RTN3: variants seen among roughly 807,000 people sequenced by gnomAD.
RTN3 encodes the protein reticulon 3.
A neutral mutation model predicts 77.8 loss-of-function variants in RTN3; 49 were observed. The ratio of observed to expected loss-of-function variants is 0.63; its 90% CI spans 0.50 to 0.80. RTN3 has a LOEUF of 0.80. Among genes scored for constraint, RTN3 ranks in the 30% least tolerant of loss-of-function variants. RTN3 has a pLI of 0.00. For missense variants in RTN3, 1,236 were observed against 1,211.9 expected (o/e 1.02, Z -0.29); for synonymous variants, 464 against 446.9 (o/e 1.04, Z -0.48).
intron 3 of RTN3, among the ~76,000 whole-genome samples, chr11:63,744,010 G>A (rs1443766533): frequency 1.3e-5 from 2 of 151,732 alleles, no homozygotes; most frequent in Non-Finnish European, 2.9e-5. Context: ...TTGGGAGGCC[G>A]AGGCAGGCAG....
At chr11:63,711,572 T>G (rs1225603191) in intron 2 of RTN3, among the ~76,000 whole-genome samples, 1 of 151,524 alleles carries the variant, frequency 6.6e-6, no homozygotes, top group Non-Finnish European at 1.5e-5. Flanking sequence ...AACAAAAAAT[T>G]TTATTTTTGA....
At chr11:63,756,977 C>T (rs1473191446) in intron 8 of RTN3, among the ~76,000 whole-genome samples, 4 of 152,008 alleles carry the variant, frequency 2.6e-5, no homozygotes, top group Non-Finnish European at 4.4e-5. Flanking sequence ...ACCTGGGAGG[C>T]GAGGTTGCAG....
intron 4 of RTN3, among the ~76,000 whole-genome samples, chr11:63,750,764 C>A (rs1290288340): frequency 6.7e-6 from 1 of 148,570 alleles, no homozygotes; most frequent in Non-Finnish European, 1.5e-5. Flanking sequence ...CAGAGTCTCA[C>A]TCTGTCGCCC....
intron 3 of RTN3, among the ~76,000 whole-genome samples, chr11:63,734,005 TAAAA>T (rs1565332791): frequency 6.6e-6 from 1 of 152,032 alleles, no homozygotes; most frequent in Non-Finnish European, 1.5e-5. Flanking sequence ...AATTTTTAAA[TAAAA>T]AAAGTTCGAT....
chr11:63,689,590 G>A (rs1266755286), intron 1 of RTN3, among the ~76,000 whole-genome samples: 1 of 151,208 alleles, frequency 6.6e-6, no homozygotes, highest in Non-Finnish European at 1.5e-5. Context: ...CAAGTGGCCT[G>A]CTCTTGTGAT....
chr11:63,746,938 C>T (rs1283699457), intron 3 of RTN3: 1 of 455,882 alleles, frequency 2.2e-6, no homozygotes, highest in Non-Finnish European at 4.4e-6. Context: ...GTGTTTACCC[C>T]TTTTCCAGAG....
At chr11:63,736,512 C>T (rs1229425549) in intron 3 of RTN3, among the ~76,000 whole-genome samples, 1 of 152,098 alleles carries the variant, frequency 6.6e-6, no homozygotes, top group Non-Finnish European at 1.5e-5. Flanking sequence ...CATGGTGAAA[C>T]CCCATCTCTA....
rs750431078 is a variant in RTN3 at position 63,719,148 on chromosome 11, G to A, written c.646G>A (p.Glu216Lys). The A allele has an allele frequency of 6.2e-7, 1 of 1,614,152 alleles. No homozygotes were observed. Among genetic ancestry groups the A allele is most frequent in the Non-Finnish European group, 8.5e-7 (1 of 1,180,010 alleles). Residue 216 changes from glutamate (E) to lysine (K), a missense_variant, in exon 3 of 9, where the codon GAG (glutamate) becomes AAG (lysine). This residue lies in a region of RTN3 where 1,056 missense variants were observed against 990.4 expected (regional missense o/e 1.07). Coordinates refer to ENST00000377819, the MANE Select transcript of RTN3 (RefSeq NM_001265589.2). ...TLLTAQKPPT[E>K]YSKVEGIYTY... ...GCTGACAGCCCAGAAACCACCTACT[G>A]AGTACTCTAAGGTAGAAGGCATTTA...
At chr11:63,732,910 A>C (rs1436229561) in intron 3 of RTN3, among the ~76,000 whole-genome samples, 1 of 152,214 alleles carries the variant, frequency 6.6e-6, no homozygotes, top group African/African-American at 2.4e-5. Flanking sequence ...TAAATGAAAA[A>C]TCCTTCAGAA....
chr11:63,698,563 T>C (rs1942078220), intron 1 of RTN3: 1 of 158,044 alleles, frequency 6.3e-6, no homozygotes, highest in Non-Finnish European at 1.5e-5. Context: ...TTGATCCCCT[T>C]TAAATACACA....
chr11:63,708,011 C>G (rs2134746893), intron 2 of RTN3, among the ~76,000 whole-genome samples: 1 of 152,300 alleles, frequency 6.6e-6, no homozygotes, highest in East Asian at 1.9e-4. Flanking sequence ...TGAAGGAACA[C>G]CTTGGCAGAT....
At chr11:63,698,256 CTGGGACTA>C (rs1942066297) in intron 1 of RTN3, among the ~76,000 whole-genome samples, 1 of 152,042 alleles carries the variant, frequency 6.6e-6, no homozygotes, top group Non-Finnish European at 1.5e-5. Context: ...CCCCAAGTAG[CTGGGACTA>C]CAGGAGCAAG....
chr11:63,681,473 C>T (rs538238951), upstream of RTN3: 25 of 703,734 alleles, frequency 3.6e-5, no homozygotes, highest in Non-Finnish European at 4.8e-5. Context: ...CGCTCCCGCC[C>T]TCTAGCTGCG....
At chr11:63,699,672 C>T (rs958525625) in intron 1 of RTN3, among the ~76,000 whole-genome samples, 4 of 152,170 alleles carry the variant, frequency 2.6e-5, no homozygotes, top group African/African-American at 9.7e-5. Context: ...TGTTCCTTCT[C>T]CCCAGAATGC....
In RTN3 at chr11:63,719,949, T is replaced by C. The variant is rs1590834550; in HGVS notation, c.1447T>C (p.Trp483Arg). The change falls in exon 3 of 9, where the codon TGG becomes CGG. Residue 483 changes from tryptophan (W) to arginine (R), a missense_variant. Trp to Arg is a moderately radical substitution (Grantham distance 101). This residue lies in a region of RTN3 where 1,056 missense variants were observed against 990.4 expected (regional missense o/e 1.07). Transcript: ENST00000377819. ...PDDHLKDEMD[W>R]QSSALGEITE... is the part of the protein sequence containing the mutation. ...TGACCACCTGAAAGATGAAATGGACTGGCAGAGCTCTGCATTGGGAGAAAT... is the reference window on the plus strand; with the variant it reads ...TGACCACCTGAAAGATGAAATGGACCGGCAGAGCTCTGCATTGGGAGAAAT... 3 of 1,614,186 alleles carry C rather than the reference T, an allele frequency of 1.9e-6. No individual in the cohort carries two copies. The highest frequency in any genetic ancestry group is 4.5e-5 in the East Asian group (2 of 44,888).
intron 1 of RTN3, among the ~76,000 whole-genome samples, chr11:63,704,100 TC>T (rs1942379913): frequency 1.3e-5 from 2 of 151,976 alleles, no homozygotes. Flanking sequence ...CCTCCTGGGT[TC>T]AAGTGATTCT....
chr11:63,716,449 C>T (rs2011402542), intron 2 of RTN3, among the ~76,000 whole-genome samples: 1 of 152,208 alleles, frequency 6.6e-6, no homozygotes, highest in South Asian at 2.1e-4. Flanking sequence ...TCTCAGCTGA[C>T]CAAGCTGAAT....
intron 3 of RTN3, 63 bp from the exon 4 acceptor site, chr11:63,749,928 G>C: frequency 1.7e-6 from 2 of 1,199,922 alleles, no homozygotes; most frequent in Non-Finnish European, 2.4e-6. Context: ...AGGCTCCACA[G>C]GTATGCAAGA....
In RTN3 at chr11:63,720,646, A is replaced by G. The variant is rs759569780; in HGVS notation, c.2144A>G (p.Lys715Arg). ...GGAAGCAAATACAGTGAACAAAGCA[A>G]AGAAACAAATGGAAGTGAGCCTCTA... ...DIGSKYSEQSKETNGSEPLGV... is the reference protein window; with the variant it reads ...DIGSKYSEQSRETNGSEPLGV... Residue 715 changes from lysine to arginine, a missense_variant, in exon 3 of 9, where the codon AAA (lysine) becomes AGA (arginine). By Grantham distance (26) the Lys-to-Arg change is conservative. Transcript: ENST00000377819. 6.2e-7 allele frequency: 1 copy of G among 1,614,068 alleles called. No homozygotes were observed. The highest frequency in any genetic ancestry group is 1.1e-5 in the South Asian group (1 of 91,070).
Sources: allele counts gnomAD v4.1 joint callset (sites outside exome capture counted in the v4.1 genomes callset), GRCh38; gene constraint gnomAD v4.1.1; regional missense constraint gnomAD v4.1.1; transcripts MANE v1.5; gene names NCBI Gene and HGNC (gene_info 2026-07-23, HGNC 2026-07-21).